SLC8A1: variants seen among roughly 807,000 people sequenced by gnomAD.
The protein encoded by SLC8A1 is solute carrier family 8 member A1.
In SLC8A1, 18 loss-of-function variants were observed where a neutral mutation model predicts 68.3. The observed-to-expected ratio is 0.26, with a 90% CI of 0.18 to 0.39. SLC8A1 has a LOEUF of 0.39. Ranked by LOEUF, SLC8A1 falls within the 10% of genes least tolerant of loss-of-function variation. The probability of loss-of-function intolerance (pLI) is 1.00; values close to 1 mark genes in which losing one functional copy is unlikely to be tolerated. For synonymous variants in SLC8A1, 475 were observed against 415.5 expected, an observed-to-expected ratio of 1.14 and a Z score of -1.74; for missense variants, 985 against 1,156.7, an observed-to-expected ratio of 0.85 and a Z score of 2.15.
chr2:40,188,289 T>C (rs1290842234), intron 2 of SLC8A1, among the ~76,000 whole-genome samples: 1 of 152,208 alleles, frequency 6.6e-6, no homozygotes, highest in African/African-American at 2.4e-5. Flanking sequence ...AAATAATATT[T>C]TAACAAAATG....
At chr2:40,346,070 AAAAG>A (rs1207154538) in intron 2 of SLC8A1, among the ~76,000 whole-genome samples, 6 of 149,720 alleles carry the variant, frequency 4.0e-5, no homozygotes, top group East Asian at 1.9e-4. Flanking sequence ...AAAAAAAAAA[AAAAG>A]AAAGAAAGAA....
intron 2 of SLC8A1, among the ~76,000 whole-genome samples, chr2:40,192,309 C>T: frequency 6.6e-6 from 1 of 151,886 alleles, no homozygotes; most frequent in East Asian, 1.9e-4. Flanking sequence ...TAAGAGTTTT[C>T]TGTGTGAATG....
chr2:40,113,570 C>G (rs1040032675), exon 8 of SLC8A1: 27 of 152,672 alleles, frequency 1.8e-4, no homozygotes, highest in Admixed American at 9.8e-4. Context: ...TGGCTTCTTT[C>G]TTACTCAGCA....
At chr2:40,451,909 T>A (rs998183051) in exon 1 of SLC8A1, 21 of 152,312 alleles carry the variant, frequency 1.4e-4, no homozygotes, top group Admixed American at 5.2e-4. Context: ...CCTACCTGGT[T>A]TGGGGAGTGT....
At chr2:40,488,596 G>A (rs376211500) in intron 1 of SLC8A1, among the ~76,000 whole-genome samples, 1 of 152,146 alleles carries the variant, frequency 6.6e-6, no homozygotes, top group African/African-American at 2.4e-5. Flanking sequence ...CTCCATGTGT[G>A]TTTAAGTGAC....
intron 2 of SLC8A1, among the ~76,000 whole-genome samples, chr2:40,272,866 T>C (rs1025643788): frequency 2.0e-5 from 3 of 152,222 alleles, no homozygotes; most frequent in Non-Finnish European, 2.9e-5. Flanking sequence ...CACTGACACA[T>C]GGCCTGTGTA....
chr2:40,179,383 T>C (rs1199714749), intron 2 of SLC8A1, among the ~76,000 whole-genome samples: 1 of 152,266 alleles, frequency 6.6e-6, no homozygotes, highest in Non-Finnish European at 1.5e-5. Context: ...TATGGCGCTA[T>C]GGCTATGAGT....
At chr2:40,184,719 C>A (rs1185674089) in intron 2 of SLC8A1, among the ~76,000 whole-genome samples, 2 of 151,956 alleles carry the variant, frequency 1.3e-5, no homozygotes, top group Admixed American at 6.6e-5. Flanking sequence ...CTGGAACTTT[C>A]CCACATGTAA....
At chr2:40,277,521 C>A (rs1469513696) in intron 2 of SLC8A1, among the ~76,000 whole-genome samples, 2 of 151,762 alleles carry the variant, frequency 1.3e-5, no homozygotes, top group African/African-American at 2.4e-5. Flanking sequence ...GCCTGGGCAA[C>A]AGAGTGAGAC....
intron 2 of SLC8A1, among the ~76,000 whole-genome samples, chr2:40,278,109 A>G (rs2067007515): frequency 6.6e-6 from 1 of 151,990 alleles, no homozygotes; most frequent in Admixed American, 6.6e-5. Context: ...TGGTTTTTAC[A>G]CTTTTAATAT....
intron 1 of SLC8A1, among the ~76,000 whole-genome samples, chr2:40,501,691 T>G (rs371368558): frequency 2.0e-5 from 3 of 152,214 alleles, no homozygotes; most frequent in East Asian, 1.9e-4. Context: ...AATGTGTGGA[T>G]GGACATCTAT....
At chr2:40,298,517 C>T (rs1029130577) in intron 2 of SLC8A1, among the ~76,000 whole-genome samples, 6 of 152,148 alleles carry the variant, frequency 3.9e-5, no homozygotes, top group Non-Finnish European at 7.4e-5. Flanking sequence ...GGGGAGTACT[C>T]ATTTCAGGAA....
intron 2 of SLC8A1, among the ~76,000 whole-genome samples, chr2:40,286,241 G>T (rs979065360): frequency 2.6e-5 from 4 of 152,108 alleles, no homozygotes; most frequent in African/African-American, 9.7e-5. Context: ...AAGAGAAGAG[G>T]CTTCACTATA....
chr2:40,322,680 AATAATG>A (rs902955972), intron 2 of SLC8A1, among the ~76,000 whole-genome samples: 17 of 151,874 alleles, frequency 1.1e-4, no homozygotes, highest in Non-Finnish European at 2.5e-4. Flanking sequence ...TATCTCTAAA[AATAATG>A]ATAATGATAA....
chr2:40,452,826 G>A (rs1368705896), upstream of SLC8A1, among the ~76,000 whole-genome samples: 1 of 151,696 alleles, frequency 6.6e-6, no homozygotes, highest in South Asian at 2.1e-4. Flanking sequence ...TTCCCTCAAA[G>A]ATGCGTTTCA....
intron 3 of SLC8A1, 107 bp from the exon 4 acceptor site, chr2:40,175,388 G>T: frequency 1.8e-6 from 2 of 1,102,888 alleles, no homozygotes; most frequent in Non-Finnish European, 2.7e-6. Context: ...GATTACAGTG[G>T]TAGGGAGCCA....
intron 2 of SLC8A1, among the ~76,000 whole-genome samples, chr2:40,282,482 G>A (rs1450666080): frequency 6.6e-6 from 1 of 152,068 alleles, no homozygotes; most frequent in Admixed American, 6.6e-5. Context: ...ATGTACATTT[G>A]TTTACGCACT....
chr2:40,420,167 TAA>T (rs1463691091), intron 2 of SLC8A1, among the ~76,000 whole-genome samples: 1 of 152,192 alleles, frequency 6.6e-6, no homozygotes, highest in African/African-American at 2.4e-5. Flanking sequence ...GTTGGAATTC[TAA>T]GTTTTTTATA....
chr2:40,225,140 T>A (rs1358210618), intron 2 of SLC8A1, among the ~76,000 whole-genome samples: 2 of 152,060 alleles, frequency 1.3e-5, no homozygotes, highest in African/African-American at 2.4e-5. Flanking sequence ...GAGTGATTGG[T>A]CCAAAAGAAA....
Sources: gnomAD v4.1 joint callset for allele counts (sites outside exome capture counted in the v4.1 genomes callset) on GRCh38, gnomAD v4.1.1 for gene constraint, MANE v1.5 for transcripts, NCBI Gene and HGNC (gene_info 2026-07-23, HGNC 2026-07-21) for gene names.